Variants in CSNK1G3 observed in about 807,000 individuals in gnomAD.
CSNK1G3 encodes the protein casein kinase I isoform gamma-3.
In CSNK1G3, 23 loss-of-function variants were observed where a neutral mutation model predicts 64.3. The ratio of observed to expected loss-of-function variants is 0.36; its 90% CI spans 0.26 to 0.51. The LOEUF is 0.51. Ranked by LOEUF, CSNK1G3 falls within the 20% of genes least tolerant of loss-of-function variation. CSNK1G3 has a pLI of 0.96. For missense variants in CSNK1G3, 357 were observed against 510.5 expected (o/e 0.70, Z 2.90); for synonymous variants, 158 against 162.2 (o/e 0.97, Z 0.20).
chr5:123,614,043 G>A (rs1749013184), intron 12 of CSNK1G3, among the ~76,000 whole-genome samples: 1 of 152,180 alleles, frequency 6.6e-6, no homozygotes, highest in South Asian at 2.1e-4. Context: ...ATATCAGGGA[G>A]AAAGGGTGAG....
At chr5:123,563,019 T>G (rs1382617632) in intron 4 of CSNK1G3, among the ~76,000 whole-genome samples, 1 of 152,094 alleles carries the variant, frequency 6.6e-6, no homozygotes, top group Non-Finnish European at 1.5e-5. Context: ...TAACACTTCT[T>G]AATTTTTTTT....
At chr5:123,577,403 A>G (rs1003564971) in intron 6 of CSNK1G3, among the ~76,000 whole-genome samples, 1 of 152,108 alleles carries the variant, frequency 6.6e-6, no homozygotes, top group African/African-American at 2.4e-5. Flanking sequence ...CTACATATAT[A>G]CGTATGTATA....
At chr5:123,566,287 G>A (rs1478672975) in intron 4 of CSNK1G3, among the ~76,000 whole-genome samples, 1 of 152,086 alleles carries the variant, frequency 6.6e-6, no homozygotes, top group Non-Finnish European at 1.5e-5. Flanking sequence ...TGTGAATTTT[G>A]TATTCATACT....
chr5:123,538,890 A>G (rs190907688), intron 1 of CSNK1G3, among the ~76,000 whole-genome samples: 1 of 152,198 alleles, frequency 6.6e-6, no homozygotes, highest in Non-Finnish European at 1.5e-5. Flanking sequence ...ATTTTTAATG[A>G]TTAGTGATTT....
chr5:123,561,647 C>G (rs1450361707), intron 4 of CSNK1G3, among the ~76,000 whole-genome samples: 1 of 152,188 alleles, frequency 6.6e-6, no homozygotes. Flanking sequence ...GTAAAGACAA[C>G]TTCCAGTTCT....
At chr5:123,583,391 G>A (rs1165110752) in intron 6 of CSNK1G3, among the ~76,000 whole-genome samples, 30 of 141,008 alleles carry the variant, frequency 2.1e-4, no homozygotes, top group Middle Eastern at 4.2e-3. Context: ...ACTGAGTTTC[G>A]CTCTTGTTGC....
chr5:123,561,828 C>G (rs1196008409), intron 4 of CSNK1G3, among the ~76,000 whole-genome samples: 2 of 152,044 alleles, frequency 1.3e-5, no homozygotes, highest in African/African-American at 4.8e-5. Context: ...TACCTAGTTC[C>G]ATTAGTTCCA....
At chr5:123,512,851 A>G (rs1776472257) in intron 1 of CSNK1G3, among the ~76,000 whole-genome samples, 1 of 151,754 alleles carries the variant, frequency 6.6e-6, no homozygotes, top group African/African-American at 2.4e-5. Context: ...GGCTGGGTGC[A>G]AAAGTTGCCG....
intron 10 of CSNK1G3, among the ~76,000 whole-genome samples, chr5:123,600,423 G>A (rs574931288): frequency 6.6e-5 from 10 of 151,812 alleles, no homozygotes; most frequent in African/African-American, 1.7e-4. Flanking sequence ...TCAGGAGTTC[G>A]AGACCAGCCT....
intron 10 of CSNK1G3, 69 bp from the exon 12 acceptor site, chr5:123,604,655 A>T: frequency 1.4e-6 from 1 of 736,216 alleles, no homozygotes; most frequent in South Asian, 1.8e-5. Flanking sequence ...TAACCTATTT[A>T]ATATGTATGT....
At chr5:123,592,622 A>T (rs1163113879) in intron 10 of CSNK1G3, among the ~76,000 whole-genome samples, 1 of 151,878 alleles carries the variant, frequency 6.6e-6, no homozygotes, top group Non-Finnish European at 1.5e-5. Context: ...TATCCCATCA[A>T]AGTTTAAGTG....
At chr5:123,550,999 A>G (rs1160189086) in intron 2 of CSNK1G3, among the ~76,000 whole-genome samples, 1 of 152,216 alleles carries the variant, frequency 6.6e-6, no homozygotes, top group Non-Finnish European at 1.5e-5. Context: ...CCTCAAAGGT[A>G]TGAAAGCCAA....
At chr5:123,578,974 A>G (rs373054766) in intron 6 of CSNK1G3, among the ~76,000 whole-genome samples, 2 of 152,152 alleles carry the variant, frequency 1.3e-5, no homozygotes, top group East Asian at 3.9e-4. Context: ...ACTATTAGAC[A>G]TCTTACAACA....
intron 1 of CSNK1G3, among the ~76,000 whole-genome samples, chr5:123,515,944 A>G (rs1236766215): frequency 6.6e-6 from 1 of 152,224 alleles, no homozygotes; most frequent in East Asian, 1.9e-4. Context: ...TCTAGAGTTT[A>G]AATAATGTGT....
At chr5:123,614,398 T>C (rs1242123379) in exon 13 of CSNK1G3, 2 of 1,612,662 alleles carry the variant, frequency 1.2e-6, no homozygotes, top group Non-Finnish European at 1.7e-6. Flanking sequence ...CACAAATGAC[T>C]CTGGACACAG....
At chr5:123,582,346 A>G (rs1311109678) in intron 6 of CSNK1G3, among the ~76,000 whole-genome samples, 2 of 152,152 alleles carry the variant, frequency 1.3e-5, no homozygotes, top group African/African-American at 2.4e-5. Flanking sequence ...CCCTCCACTT[A>G]TTAGGTACCT....
intron 12 of CSNK1G3, among the ~76,000 whole-genome samples, chr5:123,608,667 CT>C (rs1795783479): frequency 6.6e-6 from 1 of 152,178 alleles, no homozygotes; most frequent in Middle Eastern, 3.4e-3. Context: ...ATACTAACAA[CT>C]TTTATACAAT....
intron 1 of CSNK1G3, among the ~76,000 whole-genome samples, chr5:123,517,143 C>G (rs1777314231): frequency 6.6e-6 from 1 of 152,058 alleles, no homozygotes; most frequent in Non-Finnish European, 1.5e-5. Flanking sequence ...TCGGGAACAC[C>G]CTATTACAGG....
intron 5 of CSNK1G3, among the ~76,000 whole-genome samples, chr5:123,573,754 T>G (rs1490178439): frequency 2.6e-5 from 4 of 152,214 alleles, no homozygotes; most frequent in Non-Finnish European, 1.5e-5. Flanking sequence ...AATAATTGCT[T>G]TAAGATCAAA....
Sources: gnomAD v4.1 joint callset for allele counts (sites outside exome capture counted in the v4.1 genomes callset) on GRCh38, gnomAD v4.1.1 for gene constraint, MANE v1.5 for transcripts, NCBI Gene and HGNC (gene_info 2026-07-23, HGNC 2026-07-21) for gene names.